MX2: variants seen among roughly 807,000 people sequenced by gnomAD.
The protein encoded by MX2 is interferon-induced GTP-binding protein Mx2.
A neutral mutation model predicts 74.0 loss-of-function variants in MX2; 51 were observed. That is an observed-to-expected ratio of 0.69 (90% CI 0.55 to 0.87). The LOEUF (loss-of-function observed/expected upper bound fraction) is 0.87, where lower values mean the gene tolerates loss of function less well. Ranked by LOEUF, MX2 falls within the 40% of genes least tolerant of loss-of-function variation. The probability of loss-of-function intolerance (pLI) is 0.00; values close to 1 mark genes in which losing one functional copy is unlikely to be tolerated. For synonymous variants in MX2, 369 were observed against 339.3 expected (o/e 1.09, Z -0.96); for missense variants, 832 against 908.7 (o/e 0.92, Z 1.09).
At chr21:41,375,172 C>T (rs898822211) in intron 1 of MX2, among the ~76,000 whole-genome samples, 2 of 152,204 alleles carry the variant, frequency 1.3e-5, no homozygotes, top group Admixed American at 1.3e-4. Context: ...GAATCTCAAG[C>T]CCACCACCTG....
chr21:41,386,219 C>CAAAAAAAAAAAAAA (rs59005802), intron 5 of MX2, among the ~76,000 whole-genome samples: 3 of 32,020 alleles, frequency 9.4e-5, no homozygotes, highest in East Asian at 1.1e-3. Flanking sequence ...TACTCCATCT[C>CAAAAAAAAAAAAAA]AAAAAAAAAA....
intron 3 of MX2, among the ~76,000 whole-genome samples, chr21:41,379,048 C>T (rs2089452532): frequency 3.9e-5 from 6 of 152,244 alleles, no homozygotes; most frequent in Admixed American, 3.9e-4. Context: ...CACAGTGAGC[C>T]TGGGAGAGTG....
chr21:41,407,085 G>A lies in MX2; in HGVS notation c.1905+87G>A, dbSNP rs1193197188. The A allele has an allele frequency of 7.0e-5, 99 of 1,412,526 alleles. 1 individual carries two copies. Among genetic ancestry groups the A allele is most frequent in the South Asian group, 1.4e-4 (10 of 73,578 alleles). 87.5% of individuals were successfully genotyped at this position (1,412,526 alleles called of 1,614,324 possible). On this transcript the variant is annotated intron_variant, in intron 13 of 13. Coordinates refer to ENST00000330714, the MANE Select transcript of MX2 (RefSeq NM_002463.2). Reference sequence around the variant, plus strand: ...TGCTAACCTAGAGAGGCTTTGCTGAGGGAAGGAGGGAGGGACCACTACAAT... The same window carrying A: ...TGCTAACCTAGAGAGGCTTTGCTGAAGGAAGGAGGGAGGGACCACTACAAT...
In MX2 at chr21:41,402,176, C is replaced by T; in HGVS notation, c.1573+48C>T. ...CCCAAACCATCACTCTCATACCTTC[C>T]ATAGACCCCAGTGCCTTGGAGGGAG... is the stretch of plus-strand genomic sequence containing the variant. On this transcript the variant is annotated intron_variant, in intron 11 of 13. Transcript: ENST00000330714. The surrounding 1 kb of genome is among the most constrained non-coding windows in gnomAD (Gnocchi z 4.5). The T allele has an allele frequency of 6.4e-7, 1 of 1,574,276 alleles. No homozygotes were observed. Among genetic ancestry groups the T allele is most frequent in the Non-Finnish European group, 8.6e-7 (1 of 1,160,582 alleles).
At position 41,390,686 on chromosome 21, in the gene MX2, A is replaced by T; in HGVS notation, c.854A>T (p.Glu285Val). The T allele has an allele frequency of 6.2e-7, 1 of 1,614,106 alleles. No homozygotes were observed. The highest frequency in any genetic ancestry group is 2.2e-5 in the East Asian group (1 of 44,878). ...ALSMAHEVDP[E>V]GDRTIGILTK... The stretch of plus-strand genomic sequence containing the variant: ...AGCATGGCCCATGAGGTGGACCCGG[A>T]AGGGGACAGGACCATCGGTAAGAGG... Residue 285 changes from glutamate (E) to valine (V), a missense_variant, in exon 6 of 14, where the codon GAA (glutamate) becomes GTA (valine). By Grantham distance (121) the Glu-to-Val change is moderately radical (BLOSUM62 -2). Coordinates refer to ENST00000330714, the MANE Select transcript of MX2 (RefSeq NM_002463.2).
intron 1 of MX2, among the ~76,000 whole-genome samples, chr21:41,362,736 C>T (rs563514220): frequency 3.4e-4 from 48 of 142,880 alleles, no homozygotes; most frequent in Non-Finnish European, 6.5e-4. Flanking sequence ...GTATTGATGA[C>T]GCAGTTTTTT....
intron 1 of MX2, among the ~76,000 whole-genome samples, chr21:41,371,560 G>C (rs893905245): frequency 1.3e-5 from 2 of 152,166 alleles, no homozygotes; most frequent in African/African-American, 2.4e-5. Context: ...CCTTGACAAT[G>C]CTTAACTGCG....
chr21:41,390,784 T>A, intron 6 of MX2, 81 bp downstream of exon 6: 1 of 1,488,348 alleles, frequency 6.7e-7, no homozygotes, highest in Non-Finnish European at 9.3e-7. Context: ...GACGGGCGGA[T>A]CACGAGGTCA....
At chr21:41,391,264 A>G (rs1367448078) in intron 6 of MX2, among the ~76,000 whole-genome samples, 1 of 126,328 alleles carries the variant, frequency 7.9e-6, no homozygotes, top group East Asian at 2.6e-4. Context: ...AAAGTTTTCT[A>G]AAAAAAAGGA....
chr21:41,373,312 A>G (rs1265218230), intron 1 of MX2, among the ~76,000 whole-genome samples: 1 of 152,152 alleles, frequency 6.6e-6, no homozygotes, highest in East Asian at 1.9e-4. Context: ...TGGGTGTGGC[A>G]AGGGGGGTGT....
chr21:41,395,234 G>A (rs1163469995), intron 6 of MX2, among the ~76,000 whole-genome samples: 1 of 137,574 alleles, frequency 7.3e-6, no homozygotes, highest in Non-Finnish European at 1.6e-5. Context: ...AGACACTAGA[G>A]AGGGACTCCC....
At chr21:41,375,312 G>A (rs1321142729) in intron 1 of MX2, among the ~76,000 whole-genome samples, 2 of 152,276 alleles carry the variant, frequency 1.3e-5, no homozygotes, top group Non-Finnish European at 2.9e-5. Flanking sequence ...TAACCACGTG[G>A]TGGAAAGTGC....
Position 41,376,777 on chromosome 21 carries a change from C to A in MX2, c.-71-59C>A, listed in dbSNP as rs537552667. The A allele has an allele frequency of 5.7e-6, 8 of 1,410,654 alleles. No individual in the cohort carries two copies. In the South Asian group the frequency reaches 8.0e-5, roughly 14 times the overall value. The allele number at this position is 1,410,654 out of a possible 1,614,324, so 87.4% of individuals were successfully genotyped here. ...GGGTGAGGAGGGGTTGGCAAAAGTG[C>A]CAACTCAGGGAGGACTTCTGGTGAC... On this transcript the variant is annotated intron_variant, in intron 1 of 13. Transcript: ENST00000330714.
Position 41,382,402 on chromosome 21 carries a change from C to G in MX2, c.578-8C>G, listed in dbSNP as rs747953470. On this transcript the variant is annotated splice_region_variant and splice_polypyrimidine_tract_variant and intron_variant, in intron 4 of 13. Coordinates refer to ENST00000330714, the MANE Select transcript of MX2 (RefSeq NM_002463.2). ...GGCTCTGGGTTTCTCCCCTCCTGGCCTCCATAGCCCAGAACGTCATGGCCG... is the reference window on the plus strand; with the variant it reads ...GGCTCTGGGTTTCTCCCCTCCTGGCGTCCATAGCCCAGAACGTCATGGCCG... 6.8e-6 allele frequency: 11 copies of G among 1,613,190 alleles called. No homozygotes were observed. Among genetic ancestry groups the G allele is most frequent in the South Asian group, 6.6e-5 (6 of 91,008 alleles).
At position 41,402,193 on chromosome 21, in the gene MX2, TGGAG is replaced by T. The variant is rs1274228310; in HGVS notation, c.1573+70_1573+73del. 1 of 1,529,002 alleles carries T rather than the reference TGGAG, an allele frequency of 6.5e-7. No individual in the cohort carries two copies. Among genetic ancestry groups the T allele is most frequent in the East Asian group, 2.3e-5 (1 of 43,954 alleles). The allele number at this position is 1,529,002 out of a possible 1,614,324, so 94.7% of individuals were successfully genotyped here. ...ATACCTTCCATAGACCCCAGTGCCTTGGAGGGAGAGATTGGAATGGAGTTACCAA... is the reference window on the plus strand; with the variant it reads ...ATACCTTCCATAGACCCCAGTGCCTTGGAGAGATTGGAATGGAGTTACCAA... On this transcript the variant is annotated intron_variant, in intron 11 of 13. Transcript: ENST00000330714. The surrounding 1 kb of genome is among the most constrained non-coding windows in gnomAD (Gnocchi z 4.5).
chr21:41,390,297 G>A, intron 5 of MX2: 1 of 433,570 alleles, frequency 2.3e-6, no homozygotes, highest in South Asian at 2.5e-5. Context: ...GGGGAGGGAG[G>A]GGTTGTACTT....
intron 1 of MX2, chr21:41,365,923 G>T: frequency 6.6e-6 from 1 of 152,622 alleles, no homozygotes. Context: ...ACTCAGCCTG[G>T]ATTTGTCTCA....
intron 1 of MX2, among the ~76,000 whole-genome samples, chr21:41,375,949 T>C (rs1204307790): frequency 2.6e-5 from 4 of 152,346 alleles, no homozygotes; most frequent in Admixed American, 2.0e-4. Flanking sequence ...GTCAGTTTCT[T>C]GACCCTGAAA....
intron 12 of MX2, chr21:41,404,487 C>G (rs1445475209): frequency 6.6e-6 from 1 of 152,198 alleles, no homozygotes; most frequent in South Asian, 2.1e-4. Context: ...AAAAGAAATA[C>G]AAGTTCCAGT....
Sources: gnomAD v4.1 joint callset for allele counts (sites outside exome capture counted in the v4.1 genomes callset) on GRCh38, gnomAD v4.1.1 for gene constraint, Gnocchi (gnomAD v3.1) non-coding constraint, MANE v1.5 for transcripts, NCBI Gene and HGNC (gene_info 2026-07-23, HGNC 2026-07-21) for gene names.